The following MX2 variants were observed in gnomAD, a reference collection of about 807,000 sequenced individuals.
MX2 encodes interferon-induced GTP-binding protein Mx2.
In MX2, 51 loss-of-function variants were observed where a neutral mutation model predicts 74.0. That is an observed-to-expected ratio of 0.69 (90% CI 0.55 to 0.87). MX2 has a LOEUF of 0.87. Among genes scored for constraint, MX2 ranks in the 40% least tolerant of loss-of-function variants. MX2 has a pLI of 0.00. For synonymous variants in MX2, 369 were observed against 339.3 expected (o/e 1.09, Z -0.96); for missense variants, 832 against 908.7 (o/e 0.92, Z 1.09).
chr21:41,403,303 A>G lies in MX2; in HGVS notation c.1610A>G (p.Lys537Arg). ...IQQAFINVAK[K>R]HFGEFFNLNQ... ...CAAGCTTTCATTAACGTGGCCAAAA[A>G]ACATTTTGGCGAATTTTTCAACCTT... Residue 537 changes from lysine (K) to arginine (R), a missense_variant, in exon 12 of 14, where the codon AAA (lysine) becomes AGA (arginine). By Grantham distance (26) the Lys-to-Arg change is conservative (BLOSUM62 2). Transcript: ENST00000330714. The G allele has an allele frequency of 6.2e-7, 1 of 1,613,982 alleles. No homozygotes were observed. Among genetic ancestry groups the G allele is most frequent in the Non-Finnish European group, 8.5e-7 (1 of 1,179,958 alleles).
rs762164358 is a variant in MX2, at chr21:41,388,705, C to T, written c.733-1860C>T. Among the ~76,000 whole-genome samples the T allele has an allele frequency of 2.0e-5, 3 of 152,238 alleles. No homozygotes were observed. The highest frequency in any genetic ancestry group is 4.4e-5 in the Non-Finnish European group (3 of 68,044). On this transcript the variant is annotated intron_variant, in intron 5 of 13. Transcript: ENST00000330714. This position sits in a 1 kb window ranked among gnomAD's most constrained non-coding sequence, Gnocchi z 4.0. ...AACGTGCTCTTTATGGTCACCCCCTCTCCAGGCAAACTGTTCCGGGGAGCA... is the reference window on the plus strand; with the variant it reads ...AACGTGCTCTTTATGGTCACCCCCTTTCCAGGCAAACTGTTCCGGGGAGCA...
chr21:41,379,421 T>C (rs532114844), intron 3 of MX2, among the ~76,000 whole-genome samples: 14 of 152,228 alleles, frequency 9.2e-5, no homozygotes, highest in African/African-American at 3.4e-4. Context: ...CATCGGAGGA[T>C]CCTGCCTCAA....
intron 8 of MX2, among the ~76,000 whole-genome samples, chr21:41,397,916 GA>G (rs1309028979): frequency 6.6e-6 from 1 of 152,082 alleles, no homozygotes; most frequent in Non-Finnish European, 1.5e-5. Context: ...CAACAGGGGG[GA>G]AAAAGAAGAG....
chr21:41,403,464 G>A, intron 12 of MX2, 121 bp downstream of exon 12: 1 of 897,700 alleles, frequency 1.1e-6, no homozygotes, highest in Non-Finnish European at 1.8e-6. Flanking sequence ...AGGCTGGCGA[G>A]GCTGGCAGGG....
At chr21:41,403,509 C>A in intron 12 of MX2, 166 bp downstream of exon 12, 1 of 749,466 alleles carries the variant, frequency 1.3e-6, no homozygotes, top group Non-Finnish European at 2.5e-6. Context: ...ACTCCAGGAG[C>A]ACCTGCCTGC....
At chr21:41,399,407 A>G (rs2089780907) in intron 10 of MX2, 70 bp downstream of exon 10, 2 of 1,505,176 alleles carry the variant, frequency 1.3e-6, no homozygotes, top group South Asian at 1.2e-5. Flanking sequence ...TGTCCAGCAC[A>G]TGATAAGTGT....
In MX2 at chr21:41,370,023, G is replaced by C. The variant is rs1057405358; in HGVS notation, c.-71-6813G>C. On this transcript the variant is annotated intron_variant, in intron 1 of 13. Transcript: ENST00000330714. ...ATGTGGAGATTGTTTTGCTAGACTC[G>C]ACGAGGGTAGCAAAGCAACAGGAAG... Among the ~76,000 whole-genome samples, 8 of 152,158 alleles carry C rather than the reference G, an allele frequency of 5.3e-5. No individual in the cohort carries two copies. In the East Asian group the frequency reaches 1.2e-3, roughly 22 times the overall value.
chr21:41,373,301 T>C (rs2089349140), intron 1 of MX2, among the ~76,000 whole-genome samples: 2 of 152,058 alleles, frequency 1.3e-5, no homozygotes, highest in African/African-American at 4.8e-5. Flanking sequence ...GGCAGATAAA[T>C]TGGGTGTGGC....
rs959074042 is a variant in MX2 at position 41,382,638 on chromosome 21, G to A, written c.732+74G>A. 3.1e-5 allele frequency: 49 copies of A among 1,579,938 alleles called. No homozygotes were observed. The African/African-American group carries it at 6.0e-4, about 19-fold the overall frequency. On this transcript the variant is annotated intron_variant, in intron 5 of 13. Transcript: ENST00000330714. The stretch of plus-strand genomic sequence containing the variant: ...GGTCAGAGGTCCCCAGGGTCCTGGT[G>A]TACCTCCTGGAGCCTTTACACTGAG...
chr21:41,403,390 T>C (rs1239033774), intron 12 of MX2, 47 bp downstream of exon 12: 2 of 1,466,130 alleles, frequency 1.4e-6, no homozygotes, highest in African/African-American at 1.4e-5. Context: ...CACTGGCTGT[T>C]TAACCTTGAG....
rs1353613237 is a variant in MX2, at chr21:41,368,624, C to T, written c.-72+6569C>T. Among the ~76,000 whole-genome samples, 1 of 152,182 alleles carries T rather than the reference C, an allele frequency of 6.6e-6. No homozygotes were observed. Among genetic ancestry groups the T allele is most frequent in the Non-Finnish European group, 1.5e-5 (1 of 68,036 alleles). On this transcript the variant is annotated intron_variant, in intron 1 of 13. Coordinates refer to ENST00000330714, the MANE Select transcript of MX2 (RefSeq NM_002463.2). The surrounding 1 kb of genome is among the most constrained non-coding windows in gnomAD (Gnocchi z 4.6). ...CAGCTCATGATACGCTTAGCAAGAC[C>T]TGCCCTTCATGAAAATGAGGGTGAG...
chr21:41,377,061 C>A lies in MX2; in HGVS notation c.155C>A (p.Ala52Glu). 2 of 1,614,218 alleles carry A rather than the reference C, an allele frequency of 1.2e-6. No individual in the cohort carries two copies. Among genetic ancestry groups the A allele is most frequent in the Non-Finnish European group, 1.7e-6 (2 of 1,180,028 alleles). ...ATGTTTCCTCCAAACTGGCAGGGGGCAGAGAAGGACGCTGCTTTCCTCGCC... is the reference window on the plus strand; with the variant it reads ...ATGTTTCCTCCAAACTGGCAGGGGGAAGAGAAGGACGCTGCTTTCCTCGCC... ...QMMFPPNWQG[A>E]EKDAAFLAKD... The change falls in exon 2 of 14, where the codon GCA (alanine) becomes GAA (glutamate). Residue 52 changes from alanine (A) to glutamate (E), a missense_variant. Transcript: ENST00000330714.
Position 41,406,643 on chromosome 21 carries a change from C to T in MX2, c.1651-101C>T, listed in dbSNP as rs1601438865. On this transcript the variant is annotated intron_variant, in intron 12 of 13. Transcript: ENST00000330714. Reference sequence around the variant, plus strand: ...CTCAGGACTTCTTTGACTATGGATTCGTTTTATTTCTGAGTTCAACATAAT... The same window carrying T: ...CTCAGGACTTCTTTGACTATGGATTTGTTTTATTTCTGAGTTCAACATAAT... The T allele has an allele frequency of 8.4e-6, 10 of 1,188,068 alleles. No individual in the cohort carries two copies. The East Asian group carries it at 1.3e-4, about 15-fold the overall frequency. The allele number at this position is 1,188,068 out of a possible 1,614,324, so 73.6% of individuals were successfully genotyped here. A position where few individuals can be genotyped will look rare whatever the true frequency, so the allele number is the denominator to read the frequency against.
intron 5 of MX2, among the ~76,000 whole-genome samples, chr21:41,385,661 C>CCACT (rs1664186201): frequency 6.6e-6 from 1 of 152,072 alleles, no homozygotes; most frequent in African/African-American, 2.4e-5. Flanking sequence ...TATTTAGAGG[C>CCACT]CACTATAGAG....
intron 1 of MX2, chr21:41,370,103 GTCCCACCAT>G (rs1191680539): frequency 6.6e-6 from 1 of 152,272 alleles, no homozygotes; most frequent in African/African-American, 2.4e-5. Context: ...ATGGTCGTCC[GTCCCACCAT>G]GGCGGGTGGG....
chr21:41,363,817 G>T lies in MX2; in HGVS notation c.-72+1762G>T, dbSNP rs1413976597. The T allele has an allele frequency of 6.4e-6, 1 of 155,290 alleles. No homozygotes were observed. The highest frequency in any genetic ancestry group is 2.4e-5 in the African/African-American group (1 of 41,526). The allele number at this position is 155,290 out of a possible 1,614,324, so 9.6% of individuals were successfully genotyped here. On this transcript the variant is annotated intron_variant, in intron 1 of 13. Transcript: ENST00000330714. The surrounding 1 kb of genome is among the most constrained non-coding windows in gnomAD (Gnocchi z 4.2). ...GGCACAGCCATTTCCATCCTTCCCA[G>T]GGGTGCTTACGTGATCCTGGCAGTC...
Position 41,402,310 on chromosome 21 carries a change from G to A in MX2, c.1573+182G>A. ...CAGCACTGGCAAGGCCTGAGAGCTGGTCAGAGCTACCGATTCTGCCCTTCT... is the reference window on the plus strand; with the variant it reads ...CAGCACTGGCAAGGCCTGAGAGCTGATCAGAGCTACCGATTCTGCCCTTCT... On this transcript the variant is annotated intron_variant, in intron 11 of 13. Transcript: ENST00000330714. The surrounding 1 kb of genome is among the most constrained non-coding windows in gnomAD (Gnocchi z 4.5). The A allele has an allele frequency of 1.5e-6, 1 of 655,616 alleles. No individual in the cohort carries two copies. Among genetic ancestry groups the A allele is most frequent in the South Asian group, 2.8e-5 (1 of 35,538 alleles). The allele number at this position is 655,616 out of a possible 1,614,324, so 40.6% of individuals were successfully genotyped here. A position where few individuals can be genotyped will look rare whatever the true frequency, so the allele number is the denominator to read the frequency against.
intron 5 of MX2, chr21:41,390,341 G>A: frequency 1.9e-6 from 1 of 534,916 alleles, no homozygotes; most frequent in South Asian, 2.1e-5. Context: ...CAGGAAAGAA[G>A]ACATGCCAGC....
At chr21:41,393,110 C>CAAAAAAAAAAAAAA (rs373955778) in intron 6 of MX2, among the ~76,000 whole-genome samples, 41 of 59,884 alleles carry the variant, frequency 6.8e-4, no homozygotes, top group South Asian at 1.3e-3. Context: ...CTCAAAAAAG[C>CAAAAAAAAAAAAAA]AAAAAAAAAA....
Sources: gnomAD v4.1 joint callset for allele counts (sites outside exome capture counted in the v4.1 genomes callset) on GRCh38, gnomAD v4.1.1 for gene constraint, Gnocchi (gnomAD v3.1) non-coding constraint, MANE v1.5 for transcripts, NCBI Gene and HGNC (gene_info 2026-07-23, HGNC 2026-07-21) for gene names.